The following PTPRT variants were observed in gnomAD, a reference collection of about 807,000 sequenced individuals.
PTPRT encodes protein tyrosine phosphatase receptor type T.
Under a neutral mutation model 176.8 loss-of-function variants are expected in PTPRT, and 56 were observed. That is an observed-to-expected ratio of 0.32 (90% CI 0.26 to 0.40). The LOEUF is 0.40. PTPRT is among the 10% of genes least tolerant of loss of function. The pLI, the probability that PTPRT is intolerant of heterozygous loss-of-function variation, is 1.00. For synonymous variants in PTPRT, 783 were observed against 739.0 expected (o/e 1.06, Z -0.96); for missense variants, 1,540 against 1,908.2 (o/e 0.81, Z 3.60).
chr20:42,209,014 A>G (rs973942213), intron 15 of PTPRT, among the ~76,000 whole-genome samples: 1 of 152,232 alleles, frequency 6.6e-6, no homozygotes, highest in African/African-American at 2.4e-5. Flanking sequence ...GCTCAACGAC[A>G]TGGAAACTGA....
intron 11 of PTPRT, among the ~76,000 whole-genome samples, chr20:42,322,592 C>T (rs1270343737): frequency 2.0e-5 from 3 of 146,850 alleles, no homozygotes; most frequent in African/African-American, 7.9e-5. Context: ...TTCCTTACAC[C>T]TTATACAAAA....
chr20:42,264,371 A>G (rs1370553135), intron 13 of PTPRT, among the ~76,000 whole-genome samples: 1 of 152,196 alleles, frequency 6.6e-6, no homozygotes, highest in Non-Finnish European at 1.5e-5. Context: ...GTGTCTGTCA[A>G]GCTTTGAGCA....
At chr20:42,800,808 C>T (rs753184879) in intron 2 of PTPRT, among the ~76,000 whole-genome samples, 2 of 152,074 alleles carry the variant, frequency 1.3e-5, no homozygotes, top group African/African-American at 2.4e-5. Flanking sequence ...TGCCGTCTTG[C>T]CTTCACATTA....
intron 1 of PTPRT, among the ~76,000 whole-genome samples, chr20:43,019,583 C>T (rs1374993231): frequency 2.7e-5 from 4 of 146,930 alleles, no homozygotes; most frequent in African/African-American, 1.0e-4. Context: ...CACACCACTG[C>T]ACTCCAGCCT....
In PTPRT at chr20:42,946,448, T is replaced by A. The variant is rs182909096; in HGVS notation, c.89-60516A>T. 3.4e-3 allele frequency among the ~76,000 whole-genome samples: 513 copies of A among 152,292 alleles called. 2 individuals are homozygous for A. The highest frequency in any genetic ancestry group is 0.012 in the African/African-American group (483 of 41,572). ...AACCAAACCCAGAAATCCCAAGAAC[T>A]AACCAACCCCAAAAGTTTAAATTGT... is the stretch of plus-strand genomic sequence containing the variant. On this transcript the variant is annotated intron_variant, in intron 1 of 30. Transcript: ENST00000373187.
chr20:42,453,057 G>C (rs1194356787), intron 8 of PTPRT, among the ~76,000 whole-genome samples: 1 of 152,154 alleles, frequency 6.6e-6, no homozygotes, highest in African/African-American at 2.4e-5. Context: ...TACTGTGACA[G>C]TATTTCTCTA....
At chr20:42,251,475 A>T (rs2056550205) in intron 13 of PTPRT, among the ~76,000 whole-genome samples, 1 of 152,188 alleles carries the variant, frequency 6.6e-6, no homozygotes, top group African/African-American at 2.4e-5. Context: ...TAATTAATAA[A>T]TCAAGAATCA....
At position 42,075,113 on chromosome 20, in the gene PTPRT, A is replaced by C; in HGVS notation, c.*5766T>G. The stretch of plus-strand genomic sequence containing the variant: ...TTCTATCACTTCTAGACATGTATAC[A>C]TGGAAAACCTCCAACAGGGAAACTT... On this transcript the variant is annotated 3_prime_UTR_variant, in exon 31 of 31. Transcript: ENST00000373187. 1 of 347,582 alleles carries C rather than the reference A, an allele frequency of 2.9e-6. No homozygotes were observed. Among genetic ancestry groups the C allele is most frequent in the Non-Finnish European group, 5.2e-6 (1 of 194,116 alleles). 21.5% of individuals were successfully genotyped at this position (347,582 alleles called of 1,614,324 possible). A position where few individuals can be genotyped will look rare whatever the true frequency, so the allele number is the denominator to read the frequency against.
chr20:42,419,559 T>C (rs977297018), intron 9 of PTPRT, among the ~76,000 whole-genome samples: 25 of 152,176 alleles, frequency 1.6e-4, no homozygotes, highest in African/African-American at 6.0e-4. Context: ...TTAAGCACTG[T>C]GGATGCTGGA....
chr20:43,163,259 C>CTT (rs1171280946), intron 1 of PTPRT, among the ~76,000 whole-genome samples: 1 of 152,160 alleles, frequency 6.6e-6, no homozygotes, highest in Non-Finnish European at 1.5e-5. Flanking sequence ...ACAAATCTTG[C>CTT]TTGGAGGCCA....
intron 2 of PTPRT, among the ~76,000 whole-genome samples, chr20:42,870,440 C>T (rs12481039): frequency 6.6e-6 from 1 of 152,186 alleles, no homozygotes; most frequent in African/African-American, 2.4e-5. Context: ...CATCTCTTGG[C>T]TACTGTGAAT....
chr20:42,515,359 C>T (rs552517252), intron 7 of PTPRT, among the ~76,000 whole-genome samples: 2 of 151,848 alleles, frequency 1.3e-5, no homozygotes, highest in East Asian at 3.9e-4. Context: ...GGCATGTGCC[C>T]GTAATCCCAG....
At chr20:42,302,315 C>T (rs772337936) in intron 12 of PTPRT, among the ~76,000 whole-genome samples, 2 of 152,168 alleles carry the variant, frequency 1.3e-5, no homozygotes, top group Non-Finnish European at 2.9e-5. Context: ...CAAAGCCCAG[C>T]ATTATTTGAT....
chr20:42,151,497 A>G (rs1363807362), intron 17 of PTPRT, among the ~76,000 whole-genome samples: 2 of 152,192 alleles, frequency 1.3e-5, no homozygotes, highest in Admixed American at 1.3e-4. Context: ...CTATGGCTGC[A>G]TAGTATTCCA....
intron 2 of PTPRT, among the ~76,000 whole-genome samples, chr20:42,809,848 A>G (rs922209320): frequency 4.6e-5 from 7 of 152,130 alleles, no homozygotes; most frequent in African/African-American, 1.7e-4. Context: ...ATCTGCAAAG[A>G]TCTTTTTTCT....
At chr20:42,491,524 G>A (rs1464590167) in intron 7 of PTPRT, among the ~76,000 whole-genome samples, 1 of 152,184 alleles carries the variant, frequency 6.6e-6, no homozygotes, top group East Asian at 1.9e-4. Context: ...GGAGCCTTTA[G>A]GGGTCCACCT....
chr20:42,272,442 G>A (rs1378522135), intron 13 of PTPRT, among the ~76,000 whole-genome samples: 1 of 151,878 alleles, frequency 6.6e-6, no homozygotes, highest in East Asian at 1.9e-4. Flanking sequence ...AGATAGGCAA[G>A]ACAAAGACTG....
chr20:42,191,186 A>T (rs1321216810), intron 16 of PTPRT, among the ~76,000 whole-genome samples: 3 of 152,134 alleles, frequency 2.0e-5, no homozygotes, highest in Non-Finnish European at 4.4e-5. Context: ...AAAAAAAAAA[A>T]AAATAGCCCT....
intron 16 of PTPRT, among the ~76,000 whole-genome samples, chr20:42,180,892 T>A (rs969650106): frequency 6.6e-6 from 1 of 152,178 alleles, no homozygotes; most frequent in South Asian, 2.1e-4. Flanking sequence ...AAGAGAAAGA[T>A]TAAGTTTAAA....
Sources: gnomAD v4.1 joint callset for allele counts (sites outside exome capture counted in the v4.1 genomes callset) on GRCh38, gnomAD v4.1.1 for gene constraint, MANE v1.5 for transcripts, NCBI Gene and HGNC (gene_info 2026-07-23, HGNC 2026-07-21) for gene names.